ZBTB7C: variants seen among roughly 807,000 people sequenced by gnomAD.
The protein encoded by ZBTB7C is zinc finger and BTB domain-containing protein 7C.
In ZBTB7C, 8 loss-of-function variants were observed where a neutral mutation model predicts 25.7. The observed-to-expected ratio is 0.31, with a 90% CI of 0.18 to 0.56. The LOEUF (loss-of-function observed/expected upper bound fraction) is 0.56. Ranked by LOEUF, ZBTB7C falls within the 20% of genes least tolerant of loss-of-function variation. The probability of loss-of-function intolerance (pLI) is 0.91; values close to 1 mark genes in which losing one functional copy is unlikely to be tolerated. For synonymous variants in ZBTB7C, 394 were observed against 369.0 expected, an observed-to-expected ratio of 1.07 and a Z score of -0.78; for missense variants, 824 against 855.2, an observed-to-expected ratio of 0.96 and a Z score of 0.46.
chr18:48,201,019 T>C (rs2145201735), intron 2 of ZBTB7C, among the ~76,000 whole-genome samples: 1 of 152,290 alleles, frequency 6.6e-6, no homozygotes, highest in African/African-American at 2.4e-5. Context: ...CACCTGCATG[T>C]GGGCATCGCA....
intron 2 of ZBTB7C, among the ~76,000 whole-genome samples, chr18:48,268,357 G>A (rs960006629): frequency 4.6e-5 from 7 of 152,174 alleles, no homozygotes; most frequent in Admixed American, 2.6e-4. Flanking sequence ...AGACTTCAGC[G>A]CAGAACTGAG....
At chr18:48,134,048 T>C (rs1333286230) in intron 3 of ZBTB7C, among the ~76,000 whole-genome samples, 2 of 151,176 alleles carry the variant, frequency 1.3e-5, no homozygotes, top group African/African-American at 2.4e-5. Flanking sequence ...CAGCACGACA[T>C]CAAGGTAGTA....
chr18:48,121,623 G>C (rs974126409), intron 3 of ZBTB7C, among the ~76,000 whole-genome samples: 3 of 152,152 alleles, frequency 2.0e-5, no homozygotes, highest in Non-Finnish European at 4.4e-5. Flanking sequence ...TCTGGATTTA[G>C]CAGCATGTGA....
chr18:48,111,645 A>C (rs935548735), intron 3 of ZBTB7C, among the ~76,000 whole-genome samples: 1 of 152,168 alleles, frequency 6.6e-6, no homozygotes, highest in Non-Finnish European at 1.5e-5. Context: ...GAGAGATGTG[A>C]TGAGGGGCCC....
rs1337023137 is a variant in ZBTB7C at position 48,314,141 on chromosome 18, G to A, written c.-79+24033C>T. ...TATTCCTTCGTAGCAACGCAAGAAC[G>A]AACTAACACAATAAGGTTACCAAAT... On this transcript the variant is annotated intron_variant, in intron 2 of 4. Coordinates refer to ENST00000590800, the MANE Select transcript of ZBTB7C (RefSeq NM_001318841.2). Among the ~76,000 whole-genome samples the A allele has an allele frequency of 3.3e-5, 5 of 152,160 alleles. No homozygotes were observed. In the South Asian group the frequency reaches 8.3e-4, roughly 25 times the overall value.
At chr18:48,410,938 G>T (rs943707917), upstream of ZBTB7C, among the ~76,000 whole-genome samples, 2 of 152,238 alleles carry the variant, frequency 1.3e-5, no homozygotes, top group African/African-American at 4.8e-5. Flanking sequence ...GGGCAGTGGG[G>T]CTGCTGCTGT....
At chr18:48,108,136 C>A (rs981801788) in intron 3 of ZBTB7C, among the ~76,000 whole-genome samples, 1 of 152,126 alleles carries the variant, frequency 6.6e-6, no homozygotes, top group African/African-American at 2.4e-5. Flanking sequence ...CCCCAAGGCT[C>A]GTCTATTCTA....
At chr18:48,334,081 G>T (rs1020062812) in intron 2 of ZBTB7C, among the ~76,000 whole-genome samples, 22 of 152,134 alleles carry the variant, frequency 1.4e-4, no homozygotes, top group Non-Finnish European at 2.6e-4. Flanking sequence ...AGCCAGGGAG[G>T]CAAGGAGGAC....
intron 2 of ZBTB7C, among the ~76,000 whole-genome samples, chr18:48,229,136 C>T (rs948554862): frequency 3.9e-5 from 6 of 152,266 alleles, no homozygotes; most frequent in African/African-American, 1.2e-4. Context: ...ATTCCCCCTG[C>T]CACGTGCCCG....
chr18:48,122,333 T>C (rs1199946695), intron 3 of ZBTB7C, among the ~76,000 whole-genome samples: 2 of 152,212 alleles, frequency 1.3e-5, no homozygotes, highest in African/African-American at 4.8e-5. Flanking sequence ...TTTTCCTACC[T>C]TTGGCTGATT....
At chr18:48,397,946 C>A (rs2048067402) in intron 1 of ZBTB7C, among the ~76,000 whole-genome samples, 1 of 152,204 alleles carries the variant, frequency 6.6e-6, no homozygotes, top group African/African-American at 2.4e-5. Context: ...CCTGCACACA[C>A]ACAAAAGCAG....
chr18:48,181,829 T>A (rs4245264), intron 3 of ZBTB7C, among the ~76,000 whole-genome samples: 2 of 152,362 alleles, frequency 1.3e-5, no homozygotes, highest in East Asian at 3.9e-4. Flanking sequence ...TGCCTATGCA[T>A]GTTAGATGTG....
At chr18:48,240,509 C>T (rs780751308) in intron 2 of ZBTB7C, among the ~76,000 whole-genome samples, 1 of 152,130 alleles carries the variant, frequency 6.6e-6, no homozygotes, top group African/African-American at 2.4e-5. Flanking sequence ...CAGCAGAAAG[C>T]CTACAGGTTA....
Position 48,057,953 on chromosome 18 carries a change from G to A in ZBTB7C, c.-16-16830C>T, listed in dbSNP as rs892978430. Among the ~76,000 whole-genome samples, 7 of 152,288 alleles carry A rather than the reference G, an allele frequency of 4.6e-5. No individual in the cohort carries two copies. In the East Asian group the frequency reaches 7.7e-4, roughly 17 times the overall value. ...CTGTCTACTGCACGGTAATGTCCCC[G>A]TGGCCACATAGGCAAGCTGTGCATC... On this transcript the variant is annotated intron_variant, in intron 3 of 4. Coordinates refer to ENST00000590800, the MANE Select transcript of ZBTB7C (RefSeq NM_001318841.2).
At chr18:48,062,998 A>G (rs1449965659) in intron 3 of ZBTB7C, among the ~76,000 whole-genome samples, 1 of 152,166 alleles carries the variant, frequency 6.6e-6, no homozygotes, top group African/African-American at 2.4e-5. Flanking sequence ...TGGGATGGAG[A>G]AAGTCTGTGA....
chr18:48,392,844 G>A (rs767718900), intron 1 of ZBTB7C, among the ~76,000 whole-genome samples: 2 of 152,174 alleles, frequency 1.3e-5, no homozygotes, highest in Non-Finnish European at 1.5e-5. Flanking sequence ...GCCCACGCTA[G>A]GGTCATTCTG....
chr18:48,135,629 G>A (rs969390941), intron 3 of ZBTB7C, among the ~76,000 whole-genome samples: 1 of 152,130 alleles, frequency 6.6e-6, no homozygotes, highest in Non-Finnish European at 1.5e-5. Context: ...TTCACCCAGC[G>A]GGGGTTCCTG....
At chr18:48,362,961 C>G (rs2047143579) in intron 1 of ZBTB7C, among the ~76,000 whole-genome samples, 1 of 152,226 alleles carries the variant, frequency 6.6e-6, no homozygotes, top group Non-Finnish European at 1.5e-5. Context: ...GACACGCACA[C>G]AGCAAACAGG....
At chr18:48,194,500 G>A (rs1436143980) in intron 2 of ZBTB7C, among the ~76,000 whole-genome samples, 1 of 152,216 alleles carries the variant, frequency 6.6e-6, no homozygotes, top group Non-Finnish European at 1.5e-5. Context: ...GTGCAGCAAG[G>A]TGATCATGCC....
Sources: gnomAD v4.1 joint callset for allele counts (sites outside exome capture counted in the v4.1 genomes callset) on GRCh38, gnomAD v4.1.1 for gene constraint, MANE v1.5 for transcripts, NCBI Gene and HGNC (gene_info 2026-07-23, HGNC 2026-07-21) for gene names.